TRIM5: variants seen among roughly 807,000 people sequenced by gnomAD.
TRIM5 encodes the protein tripartite motif containing 5, also known as tripartite motif-containing protein 5.
A neutral mutation model predicts 35.6 loss-of-function variants in TRIM5; 31 were observed. The ratio of observed to expected loss-of-function variants is 0.87; its 90% CI spans 0.65 to 1.18. The LOEUF (loss-of-function observed/expected upper bound fraction) is 1.18, where lower values mean the gene tolerates loss of function less well. Among genes scored for constraint, TRIM5 ranks in the 50% most tolerant of loss-of-function variants. TRIM5 has a pLI of 0.00. For synonymous variants in TRIM5, 243 were observed against 215.6 expected (o/e 1.13, Z -1.11); for missense variants, 609 against 591.6 (o/e 1.03, Z -0.31).
the TRIM5 span, chr11:5,605,399 A>C: frequency 1.9e-6 from 3 of 1,614,166 alleles, no homozygotes; most frequent in Non-Finnish European, 2.5e-6. Context: ...GAAATATCCT[A>C]GACAGAGTGG....
intron 2 of TRIM5, 60 bp downstream of exon 2, chr11:5,679,700 GT>G: frequency 6.7e-7 from 1 of 1,501,432 alleles, no homozygotes; most frequent in Non-Finnish European, 8.9e-7. Flanking sequence ...CAAAGGCAAA[GT>G]GAAAATTTTC....
chr11:5,658,497 G>C (rs1431975040), downstream of TRIM5, among the ~76,000 whole-genome samples: 4 of 152,322 alleles, frequency 2.6e-5, no homozygotes, highest in East Asian at 7.7e-4. Flanking sequence ...ATAAGGCAGA[G>C]GGTCAGAGCA....
At chr11:5,603,214 C>G in the TRIM5 span, 2 of 1,597,504 alleles carry the variant, frequency 1.3e-6, no homozygotes, top group Admixed American at 3.4e-5. Context: ...CTTTCTTACC[C>G]TGATCCTTTT....
At chr11:5,677,140 A>G (rs1852047453) in intron 4 of TRIM5, among the ~76,000 whole-genome samples, 1 of 152,124 alleles carries the variant, frequency 6.6e-6, no homozygotes, top group South Asian at 2.1e-4. Context: ...GCACAGCAAA[A>G]GAAACTACCA....
the TRIM5 span, among the ~76,000 whole-genome samples, chr11:5,627,933 G>A: frequency 5.3e-5 from 8 of 152,186 alleles, no homozygotes; most frequent in Admixed American, 5.2e-4. Context: ...ATATCCAGAT[G>A]TTAGGAGTCC....
chr11:5,605,551 C>A, the TRIM5 span: 7 of 1,613,180 alleles, frequency 4.3e-6, no homozygotes, highest in Non-Finnish European at 5.9e-6. Flanking sequence ...CAGGGGTCAA[C>A]AATGGAGCTG....
the TRIM5 span, chr11:5,605,133 C>A: frequency 6.0e-6 from 4 of 663,858 alleles, no homozygotes; most frequent in Admixed American, 2.8e-5. Context: ...ATAAAGCAGC[C>A]CGGGGCCAAT....
At chr11:5,602,013 A>G in the TRIM5 span, among the ~76,000 whole-genome samples, 5 of 152,138 alleles carry the variant, frequency 3.3e-5, no homozygotes, top group African/African-American at 7.2e-5. Context: ...CATTCATCCA[A>G]AGTTGAGGAC....
Position 5,664,425 on chromosome 11 carries a change from T to G in TRIM5, c.*384A>C. 9.9e-7 allele frequency: 1 copy of G among 1,010,370 alleles called. No homozygotes were observed. The allele number at this position is 1,010,370 out of a possible 1,614,324, so 62.6% of individuals were successfully genotyped here. Reference sequence around the variant, plus strand: ...TGACACAGGGCTAAGGACTCATTCATTGGTGAACAATTATCACACGATGAT... The same window carrying G: ...TGACACAGGGCTAAGGACTCATTCAGTGGTGAACAATTATCACACGATGAT... On this transcript the variant is annotated 3_prime_UTR_variant, in exon 8 of 8. Coordinates refer to ENST00000380034, the MANE Select transcript of TRIM5 (RefSeq NM_033034.3).
the TRIM5 span, among the ~76,000 whole-genome samples, chr11:5,623,739 A>T: frequency 6.6e-6 from 1 of 151,842 alleles, no homozygotes; most frequent in Admixed American, 6.6e-5. Context: ...ATAGTAATTG[A>T]CTCCCTTAAA....
At chr11:5,624,977 ATTTG>A in the TRIM5 span, 1 of 152,206 alleles carries the variant, frequency 6.6e-6, no homozygotes, top group Non-Finnish European at 1.5e-5. Context: ...GAGGAACCTC[ATTTG>A]TTGAATGAAT....
chr11:5,652,580 GTT>G, the TRIM5 span, among the ~76,000 whole-genome samples: 503 of 152,228 alleles, frequency 3.3e-3, 2 homozygotes, highest in Non-Finnish European at 5.9e-3. Context: ...TTGTAGTATG[GTT>G]TGAAGTCAGG....
At chr11:5,683,120 G>A (rs1050749185) in intron 1 of TRIM5, among the ~76,000 whole-genome samples, 5 of 152,194 alleles carry the variant, frequency 3.3e-5, no homozygotes, top group Admixed American at 2.0e-4. Context: ...ATTTCTCGCC[G>A]GGCCTTAGCT....
At chr11:5,678,863 C>T (rs1175293190) in intron 3 of TRIM5, among the ~76,000 whole-genome samples, 2 of 152,196 alleles carry the variant, frequency 1.3e-5, no homozygotes, top group Non-Finnish European at 2.9e-5. Context: ...CCATCCTCAC[C>T]AGAGAGATCC....
chr11:5,632,811 A>ACCTTTTC, the TRIM5 span: 1 of 1,266,734 alleles, frequency 7.9e-7, no homozygotes, highest in Admixed American at 3.3e-5. Flanking sequence ...GGAAAATCTC[A>ACCTTTTC]CCTTTTCATC....
the TRIM5 span, among the ~76,000 whole-genome samples, chr11:5,601,539 C>G: frequency 2.2e-3 from 333 of 152,240 alleles, 3 homozygotes; most frequent in African/African-American, 7.5e-3. Context: ...AGGCAGATCA[C>G]TTGAGGTCAG....
the TRIM5 span, among the ~76,000 whole-genome samples, chr11:5,617,734 C>T: frequency 6.7e-6 from 1 of 150,356 alleles, no homozygotes; most frequent in Non-Finnish European, 1.5e-5. Flanking sequence ...AGGTGATCCA[C>T]CTGCCTCAGC....
chr11:5,595,655 A>G, the TRIM5 span, among the ~76,000 whole-genome samples: 3 of 152,100 alleles, frequency 2.0e-5, no homozygotes, highest in Non-Finnish European at 4.4e-5. Context: ...GGTGTTCTCA[A>G]AGGCCTCCGG....
chr11:5,629,213 G>A, the TRIM5 span, among the ~76,000 whole-genome samples: 1 of 152,040 alleles, frequency 6.6e-6, no homozygotes, highest in African/African-American at 2.4e-5. Context: ...GGAGGCGGGG[G>A]TTGCAGTGAG....
Sources: gnomAD v4.1 joint callset for allele counts (sites outside exome capture counted in the v4.1 genomes callset) on GRCh38, gnomAD v4.1.1 for gene constraint, MANE v1.5 for transcripts, NCBI Gene and HGNC (gene_info 2026-07-23, HGNC 2026-07-21) for gene names.